The following CCNB2 variants were observed in gnomAD, a reference collection of about 807,000 sequenced individuals.
CCNB2 encodes the protein G2/mitotic-specific cyclin-B2.
Under a neutral mutation model 51.1 loss-of-function variants are expected in CCNB2, and 39 were observed. That is an observed-to-expected ratio of 0.76 (90% CI 0.59 to 1.00). CCNB2 has a LOEUF of 1.00. CCNB2 is among the 50% of genes least tolerant of loss of function. CCNB2 has a pLI of 0.00. For missense variants in CCNB2, 472 were observed against 470.3 expected, an observed-to-expected ratio of 1.00 and a Z score of -0.03; for synonymous variants, 174 against 165.5, an observed-to-expected ratio of 1.05 and a Z score of -0.40.
intron 1 of CCNB2, 38 bp downstream of exon 1, chr15:59,105,330 G>A (rs1243205149): frequency 1.3e-6 from 2 of 1,541,804 alleles, no homozygotes; most frequent in African/African-American, 1.4e-5. Flanking sequence ...AGGCGAGTCC[G>A]TCGGCCCCAC....
chr15:59,122,527 T>TTTTTTC (rs1566958188), intron 7 of CCNB2, among the ~76,000 whole-genome samples: 1 of 149,022 alleles, frequency 6.7e-6, no homozygotes, highest in African/African-American at 2.5e-5. Context: ...GCCTGGCCTT[T>TTTTTTC]TTTTTTTTTC....
chr15:59,119,248 C>T (rs1426530425), intron 7 of CCNB2, among the ~76,000 whole-genome samples: 2 of 151,990 alleles, frequency 1.3e-5, no homozygotes, highest in Admixed American at 6.6e-5. Flanking sequence ...AATTTAAGTA[C>T]TTGTTGCTTG....
chr15:59,107,535 TC>T lies in CCNB2; in HGVS notation c.154-21del, dbSNP rs762932691. On this transcript the variant is annotated intron_variant, in intron 2 of 8. Transcript: ENST00000288207. ...CACAACGCTGGCTGTCTTGCGCTAT[TC>T]ATGTTTCTTTTTCCTTATAGAAAGC... 3 of 1,613,880 alleles carry T rather than the reference TC, an allele frequency of 1.9e-6. No individual in the cohort carries two copies. The South Asian group carries it at 3.3e-5, about 18-fold the overall frequency.
rs1386563304 is a variant in CCNB2, at chr15:59,123,628, G to GT, written c.1086+2dup. ...AAATGAAAACTTAACTAAATTCATC[G>GT]TAAGTACTACTGTTTTCTTAAGCTG... On this transcript the variant is annotated splice_donor_variant, in intron 8 of 8. Coordinates refer to ENST00000288207, the MANE Select transcript of CCNB2 (RefSeq NM_004701.4). LOFTEE classifies it high-confidence loss of function. 15 of 1,527,102 alleles carry GT rather than the reference G, an allele frequency of 9.8e-6. No individual in the cohort carries two copies. Among genetic ancestry groups the GT allele is most frequent in the Non-Finnish European group, 1.3e-5 (14 of 1,119,018 alleles). The allele number at this position is 1,527,102 out of a possible 1,614,324, so 94.6% of individuals were successfully genotyped here. A position where few individuals can be genotyped will look rare whatever the true frequency, so the allele number is the denominator to read the frequency against.
At chr15:59,119,471 A>AG (rs1566957581) in intron 7 of CCNB2, among the ~76,000 whole-genome samples, 1 of 151,172 alleles carries the variant, frequency 6.6e-6, no homozygotes, top group African/African-American at 2.5e-5. Context: ...AAAAAAAAAA[A>AG]AAAAAACAAA....
intron 3 of CCNB2, among the ~76,000 whole-genome samples, chr15:59,110,029 A>G (rs1372265060): frequency 2.0e-5 from 3 of 152,154 alleles, no homozygotes; most frequent in African/African-American, 7.2e-5. Flanking sequence ...AAAAACTTCA[A>G]ACTTTTACCA....
At position 59,124,576 on chromosome 15, in the gene CCNB2, T is replaced by A. The variant is rs567811815; in HGVS notation, c.1087-191T>A. On this transcript the variant is annotated intron_variant, in intron 8 of 8. Transcript: ENST00000288207. ...ACCTGTGCTACCAGCTGTGTTTTATTCATTAATGGGGATGGAAGGAAATGG... is the reference window on the plus strand; with the variant it reads ...ACCTGTGCTACCAGCTGTGTTTTATACATTAATGGGGATGGAAGGAAATGG... The A allele has an allele frequency of 5.1e-5, 30 of 586,068 alleles. No individual in the cohort carries two copies. In the Admixed American group the frequency reaches 8.8e-4, roughly 17 times the overall value. The allele number at this position is 586,068 out of a possible 1,614,324, so 36.3% of individuals were successfully genotyped here.
At chr15:59,122,726 G>C (rs2079308488) in intron 7 of CCNB2, among the ~76,000 whole-genome samples, 1 of 151,682 alleles carries the variant, frequency 6.6e-6, no homozygotes, top group Non-Finnish European at 1.5e-5. Flanking sequence ...CATAGAGATA[G>C]GGTCTCCCAA....
At position 59,105,194 on chromosome 15, in the gene CCNB2, G is replaced by T. The variant is rs184832385; in HGVS notation, c.-75G>T. On this transcript the variant is annotated 5_prime_UTR_variant, in exon 1 of 9. Transcript: ENST00000288207. ...CGGAGAGCAGTCCTAACGGCGCCTC[G>T]TACGCTAGTGTCCTCCCTTTTCAGT... 1.4e-6 allele frequency: 2 copies of T among 1,431,130 alleles called. No individual in the cohort carries two copies. The highest frequency in any genetic ancestry group is 1.9e-6 in the Non-Finnish European group (2 of 1,045,602). The allele number at this position is 1,431,130 out of a possible 1,614,324, so 88.7% of individuals were successfully genotyped here. A position where few individuals can be genotyped will look rare whatever the true frequency, so the allele number is the denominator to read the frequency against.
At chr15:59,124,323 A>G (rs377238644) in intron 8 of CCNB2, 3 of 174,940 alleles carry the variant, frequency 1.7e-5, no homozygotes, top group Admixed American at 5.5e-5. Flanking sequence ...TGGAAGTGTA[A>G]TATGTGTTCA....
intron 3 of CCNB2, among the ~76,000 whole-genome samples, chr15:59,114,152 A>C (rs1478088506): frequency 2.6e-5 from 4 of 152,224 alleles, no homozygotes; most frequent in African/African-American, 9.7e-5. Context: ...AAGGGAGAGA[A>C]GCAGGAGATG....
intron 7 of CCNB2, among the ~76,000 whole-genome samples, chr15:59,120,742 G>A (rs1245345223): frequency 6.6e-6 from 1 of 152,086 alleles, no homozygotes; most frequent in East Asian, 1.9e-4. Context: ...TCATTAGATG[G>A]AATAATTTTG....
chr15:59,111,856 C>CTTTCTTT (rs772130816), intron 3 of CCNB2, among the ~76,000 whole-genome samples: 1 of 133,984 alleles, frequency 7.5e-6, no homozygotes, highest in African/African-American at 2.8e-5. Context: ...TTCTTTCTTT[C>CTTTCTTT]TTTTTTTTTT....
chr15:59,114,913 A>C lies in CCNB2; in HGVS notation c.597+37A>C, dbSNP rs766569375. 8.9e-6 allele frequency: 14 copies of C among 1,579,658 alleles called. No individual in the cohort carries two copies. In the East Asian group the frequency reaches 2.5e-4, roughly 28 times the overall value. On this transcript the variant is annotated intron_variant, in intron 5 of 8. Transcript: ENST00000288207. ...TTCAGGGACTTCACGCCAGTGGCTC[A>C]TTGAACATTGCATTTATGCTTGGGG...
chr15:59,123,585 C>G lies in CCNB2; in HGVS notation c.1044C>G (p.Ala348=), dbSNP rs761368739. 6.2e-7 allele frequency: 1 copy of G among 1,606,900 alleles called. No homozygotes were observed. The highest frequency in any genetic ancestry group is 8.5e-7 in the Non-Finnish European group (1 of 1,177,130). Residue 348 remains alanine (A), a synonymous_variant, in exon 8 of 9, where the codon GCC becomes GCG. Coordinates refer to ENST00000288207, the MANE Select transcript of CCNB2 (RefSeq NM_004701.4). ...TATTGGAAGTCATGCAGCACATGGC[C>G]AAGAATGTGGTGAAAGTAAATGAAA... is the stretch of plus-strand genomic sequence containing the variant. The part of the protein sequence containing the change: ...NEVLEVMQHM[A]KNVVKVNENL...
intron 8 of CCNB2, chr15:59,124,142 T>C (rs1202805205): frequency 6.1e-6 from 1 of 164,886 alleles, no homozygotes; most frequent in African/African-American, 2.4e-5. Flanking sequence ...CCTGAGGGCA[T>C]GGTGTCTATC....
chr15:59,111,443 G>A (rs1396746115), intron 3 of CCNB2, among the ~76,000 whole-genome samples: 1 of 152,202 alleles, frequency 6.6e-6, no homozygotes, highest in Non-Finnish European at 1.5e-5. Flanking sequence ...CCTTAAACCA[G>A]ACTTTTTGTT....
At chr15:59,105,314 T>C in intron 1 of CCNB2, 22 bp downstream of exon 1, 7 of 1,553,262 alleles carry the variant, frequency 4.5e-6, no homozygotes, top group Non-Finnish European at 6.1e-6. Flanking sequence ...CGGGGACCGC[T>C]CTCAGAGGCG....
intron 3 of CCNB2, among the ~76,000 whole-genome samples, chr15:59,114,016 A>G (rs1258034222): frequency 6.6e-6 from 1 of 152,190 alleles, no homozygotes; most frequent in African/African-American, 2.4e-5. Context: ...AATTTTAAAT[A>G]GGAGTTAGGA....
Sources: allele counts gnomAD v4.1 joint callset (sites outside exome capture counted in the v4.1 genomes callset), GRCh38; gene constraint gnomAD v4.1.1; transcripts MANE v1.5; gene names NCBI Gene and HGNC (gene_info 2026-07-23, HGNC 2026-07-21).